Variants in TANC2 observed in about 807,000 individuals in gnomAD.
The protein encoded by TANC2 is protein TANC2.
Under a neutral mutation model 210.5 loss-of-function variants are expected in TANC2, and 26 were observed. The observed-to-expected ratio is 0.12, with a 90% CI of 0.09 to 0.17. The LOEUF is 0.17. Among genes scored for constraint, TANC2 ranks in the 10% least tolerant of loss-of-function variants. TANC2 has a pLI of 1.00. For synonymous variants in TANC2, 931 were observed against 967.1 expected, an observed-to-expected ratio of 0.96 and a Z score of 0.69; for missense variants, 2,129 against 2,608.9, an observed-to-expected ratio of 0.82 and a Z score of 4.01.
chr17:63,200,375 A>G (rs2041491704), intron 6 of TANC2, among the ~76,000 whole-genome samples: 1 of 135,428 alleles, frequency 7.4e-6, no homozygotes, highest in South Asian at 2.3e-4. Flanking sequence ...AAAAAAAAAA[A>G]AGAAAGAAAG....
intron 5 of TANC2, among the ~76,000 whole-genome samples, chr17:63,157,829 A>G (rs1368028501): frequency 1.3e-5 from 2 of 152,120 alleles, no homozygotes; most frequent in East Asian, 1.9e-4. Context: ...GGCTCACTGC[A>G]GCCTCCACCT....
At chr17:63,193,964 A>G (rs758741021) in intron 5 of TANC2, 27 bp from the exon 6 acceptor site, 14 of 1,596,170 alleles carry the variant, frequency 8.8e-6, no homozygotes, top group Non-Finnish European at 1.2e-5. Context: ...TGAAAGATTC[A>G]TGTTCTTCAA....
chr17:63,063,404 G>T (rs534709470), intron 2 of TANC2, among the ~76,000 whole-genome samples: 2 of 152,228 alleles, frequency 1.3e-5, no homozygotes, highest in African/African-American at 4.8e-5. Context: ...ATCATGGCTT[G>T]GTCTTTCTGG....
At chr17:63,340,627 A>G (rs1038377963) in intron 12 of TANC2, among the ~76,000 whole-genome samples, 5 of 152,160 alleles carry the variant, frequency 3.3e-5, no homozygotes, top group Non-Finnish European at 7.3e-5. Flanking sequence ...AAGTTTAAAT[A>G]AGTCAGTAAA....
intron 7 of TANC2, among the ~76,000 whole-genome samples, chr17:63,214,063 C>T (rs1040925556): frequency 1.3e-5 from 2 of 152,218 alleles, no homozygotes; most frequent in African/African-American, 2.4e-5. Flanking sequence ...GACCACATGT[C>T]TCTGAACCAT....
intron 6 of TANC2, 48 bp downstream of exon 6, chr17:63,194,187 A>G: frequency 6.4e-7 from 1 of 1,563,222 alleles, no homozygotes. Flanking sequence ...GAATCAGCTT[A>G]TTATGCCAGA....
At chr17:63,207,211 C>CTTTT (rs948663767) in intron 7 of TANC2, among the ~76,000 whole-genome samples, 53 of 113,798 alleles carry the variant, frequency 4.7e-4, no homozygotes, top group African/African-American at 7.1e-4. Flanking sequence ...TTTTTTTTTC[C>CTTTT]TTTTTTTTTT....
At chr17:63,062,731 C>T (rs1341909265) in intron 2 of TANC2, among the ~76,000 whole-genome samples, 3 of 152,012 alleles carry the variant, frequency 2.0e-5, no homozygotes, top group African/African-American at 7.2e-5. Context: ...TTAGCAATAC[C>T]CATTTATATT....
chr17:63,026,647 T>C (rs7208781), intron 2 of TANC2, among the ~76,000 whole-genome samples: 2,410 of 152,262 alleles, frequency 0.016, 59 homozygotes, highest in African/African-American at 0.055. Context: ...GGATATTCAG[T>C]GATCATATAT....
intron 4 of TANC2, among the ~76,000 whole-genome samples, chr17:63,133,165 G>A (rs1475000563): frequency 6.6e-6 from 1 of 151,876 alleles, no homozygotes; most frequent in Non-Finnish European, 1.5e-5. Context: ...GTAGAGACTG[G>A]GTTTCACCAT....
At chr17:63,036,617 A>G (rs2034981038) in intron 2 of TANC2, among the ~76,000 whole-genome samples, 1 of 152,164 alleles carries the variant, frequency 6.6e-6, no homozygotes. Flanking sequence ...TATAAATTTT[A>G]GAATCATCTT....
intron 20 of TANC2, among the ~76,000 whole-genome samples, chr17:63,405,580 A>G (rs1394755804): frequency 6.6e-6 from 1 of 152,262 alleles, no homozygotes; most frequent in Non-Finnish European, 1.5e-5. Flanking sequence ...ACTTACTTGC[A>G]GATGTCTGAG....
chr17:62,993,528 GT>G (rs755474495), intron 1 of TANC2, among the ~76,000 whole-genome samples: 3 of 152,112 alleles, frequency 2.0e-5, no homozygotes, highest in Non-Finnish European at 4.4e-5. Flanking sequence ...CAGTGTACAA[GT>G]TTTATACTTT....
chr17:63,192,710 T>A lies in TANC2; in HGVS notation c.434-1281T>A, dbSNP rs189117269. ...TTTCTCATCTGTAAAATGAGGGTAA[T>A]AATTTCTACCTTAGAAAGTGGAATC... On this transcript the variant is annotated intron_variant, in intron 5 of 27. Transcript: ENST00000689528. Among the ~76,000 whole-genome samples the A allele has an allele frequency of 1.2e-3, 180 of 152,346 alleles. 1 individual carries two copies. The highest frequency in any genetic ancestry group is 4.2e-3 in the African/African-American group (173 of 41,590).
At chr17:63,104,459 G>C (rs2037747603) in intron 4 of TANC2, among the ~76,000 whole-genome samples, 2 of 152,202 alleles carry the variant, frequency 1.3e-5, no homozygotes, top group East Asian at 1.9e-4. Context: ...CCATTTTTAT[G>C]GCAATTTGAC....
At chr17:63,132,458 A>G (rs1334420964) in intron 4 of TANC2, among the ~76,000 whole-genome samples, 1 of 152,162 alleles carries the variant, frequency 6.6e-6, no homozygotes, top group African/African-American at 2.4e-5. Context: ...GCCTTTGTGT[A>G]TTTAAGGAAA....
rs1480030069 is a variant in TANC2, at chr17:62,974,841, A to G, written c.-24+8092A>G. On this transcript the variant is annotated intron_variant, in intron 1 of 27. Coordinates refer to ENST00000689528, the Ensembl canonical transcript of TANC2. ...GTGATTGATATATTCCTTTTCGTAG[A>G]TATCAGCCAATGTTACAGACATAAA... 3.3e-5 allele frequency among the ~76,000 whole-genome samples: 5 copies of G among 152,338 alleles called. No individual in the cohort carries two copies. The East Asian group carries it at 9.6e-4, about 29-fold the overall frequency.
chr17:63,140,165 T>G (rs1440214771), intron 4 of TANC2, among the ~76,000 whole-genome samples: 1 of 152,198 alleles, frequency 6.6e-6, no homozygotes, highest in Non-Finnish European at 1.5e-5. Context: ...TTCAAATGAT[T>G]CTGAAGCTCA....
intron 14 of TANC2, among the ~76,000 whole-genome samples, chr17:63,368,800 T>C (rs2047181493): frequency 6.6e-6 from 1 of 152,250 alleles, no homozygotes; most frequent in South Asian, 2.1e-4. Flanking sequence ...TTCCCAAAAT[T>C]TTAGCAATGA....
Sources: allele counts gnomAD v4.1 joint callset (sites outside exome capture counted in the v4.1 genomes callset), GRCh38; gene constraint gnomAD v4.1.1; transcripts MANE v1.5; gene names NCBI Gene and HGNC (gene_info 2026-07-23, HGNC 2026-07-21).